ADAMTS17: variants seen among roughly 807,000 people sequenced by gnomAD.
The protein encoded by ADAMTS17 is A disintegrin and metalloproteinase with thrombospondin motifs 17.
In ADAMTS17, 113 loss-of-function variants were observed where a neutral mutation model predicts 141.5. The observed-to-expected ratio is 0.80, with a 90% CI of 0.69 to 0.93. The LOEUF (loss-of-function observed/expected upper bound fraction) is 0.93. Ranked by LOEUF, ADAMTS17 falls within the 40% of genes least tolerant of loss-of-function variation. ADAMTS17 has a pLI of 0.00. For synonymous variants in ADAMTS17, 768 were observed against 630.6 expected (o/e 1.22, Z -3.27); for missense variants, 1,659 against 1,517.9 (o/e 1.09, Z -1.54).
intron 8 of ADAMTS17, among the ~76,000 whole-genome samples, chr15:100,160,816 G>C (rs895423998): frequency 3.3e-5 from 5 of 152,142 alleles, no homozygotes; most frequent in Non-Finnish European, 5.9e-5. Flanking sequence ...CATGCCAAGC[G>C]GCTCATCACT....
At chr15:100,206,341 T>G (rs916369003) in intron 7 of ADAMTS17, among the ~76,000 whole-genome samples, 43 of 152,194 alleles carry the variant, frequency 2.8e-4, no homozygotes, top group Non-Finnish European at 5.4e-4. Context: ...AGTGTACGTC[T>G]GTAGACATGG....
At chr15:100,185,794 C>G (rs1014799019) in intron 8 of ADAMTS17, among the ~76,000 whole-genome samples, 2 of 152,204 alleles carry the variant, frequency 1.3e-5, no homozygotes, top group Non-Finnish European at 2.9e-5. Context: ...ATCCCCTTCC[C>G]TTGCCTATGA....
At chr15:100,064,874 G>T (rs2127847) in intron 15 of ADAMTS17, among the ~76,000 whole-genome samples, 27,151 of 152,050 alleles carry the variant, frequency 0.18, 2,851 homozygotes, top group East Asian at 0.51. Flanking sequence ...TTGGGATTTA[G>T]ACAAGCGTAT....
At chr15:99,998,117 T>C (rs1385676686) in intron 18 of ADAMTS17, among the ~76,000 whole-genome samples, 1 of 152,032 alleles carries the variant, frequency 6.6e-6, no homozygotes, top group Non-Finnish European at 1.5e-5. Flanking sequence ...GCTGCGGCAA[T>C]AGGGGATTGA....
At chr15:100,001,877 G>C (rs1057467321) in intron 18 of ADAMTS17, among the ~76,000 whole-genome samples, 3 of 149,454 alleles carry the variant, frequency 2.0e-5, no homozygotes, top group African/African-American at 5.0e-5. Flanking sequence ...GCTGAGGTGA[G>C]AGAACTGTCT....
intron 7 of ADAMTS17, among the ~76,000 whole-genome samples, chr15:100,201,852 G>C (rs1334947244): frequency 6.6e-6 from 1 of 152,052 alleles, no homozygotes; most frequent in African/African-American, 2.4e-5. Flanking sequence ...ATGTTTTGTG[G>C]GTTGCTTTTA....
chr15:99,982,117 G>T (rs2060492852), intron 20 of ADAMTS17, among the ~76,000 whole-genome samples: 1 of 152,258 alleles, frequency 6.6e-6, no homozygotes, highest in Non-Finnish European at 1.5e-5. Context: ...ATTGTTTCCT[G>T]CAGTAGAGGC....
chr15:100,037,572 G>A (rs1410041322), intron 18 of ADAMTS17, among the ~76,000 whole-genome samples: 1 of 151,894 alleles, frequency 6.6e-6, no homozygotes, highest in Non-Finnish European at 1.5e-5. Flanking sequence ...CCACACCCAA[G>A]TAATTTTTTG....
intron 12 of ADAMTS17, among the ~76,000 whole-genome samples, chr15:100,121,144 C>T (rs749529931): frequency 1.3e-5 from 2 of 152,058 alleles, no homozygotes; most frequent in African/African-American, 4.8e-5. Context: ...GAATATAGGA[C>T]AATTGAAATT....
At chr15:100,061,167 T>C (rs1167292353) in intron 15 of ADAMTS17, among the ~76,000 whole-genome samples, 2 of 152,192 alleles carry the variant, frequency 1.3e-5, no homozygotes, top group Non-Finnish European at 2.9e-5. Context: ...ACAGGCAGGT[T>C]TAACTTGTGT....
At chr15:99,987,903 C>T (rs1296117967) in intron 20 of ADAMTS17, among the ~76,000 whole-genome samples, 4 of 151,936 alleles carry the variant, frequency 2.6e-5, no homozygotes, top group Admixed American at 6.6e-5. Flanking sequence ...CAGTTGGGGT[C>T]GGGGTCTCTT....
At chr15:100,048,797 A>G in intron 18 of ADAMTS17, 60 bp downstream of exon 18, 1 of 1,612,756 alleles carries the variant, frequency 6.2e-7, no homozygotes, top group Non-Finnish European at 8.5e-7. Flanking sequence ...ACTCCCCACC[A>G]CTGATGGTGC....
chr15:100,233,588 A>G (rs1735284456), intron 7 of ADAMTS17, among the ~76,000 whole-genome samples: 1 of 152,178 alleles, frequency 6.6e-6, no homozygotes. Context: ...CGATGGGAAC[A>G]CAGTGGGGGC....
chr15:100,283,657 T>C (rs1018499398), intron 3 of ADAMTS17, among the ~76,000 whole-genome samples: 1 of 152,182 alleles, frequency 6.6e-6, no homozygotes, highest in African/African-American at 2.4e-5. Context: ...ATTTTTAAGT[T>C]CTAGTACAGA....
intron 15 of ADAMTS17, among the ~76,000 whole-genome samples, chr15:100,078,836 T>C (rs1298458573): frequency 1.3e-5 from 2 of 152,106 alleles, no homozygotes; most frequent in African/African-American, 2.4e-5. Context: ...AGGAACTGCA[T>C]CCAGAATATA....
At chr15:100,159,851 G>A (rs1351407664) in intron 8 of ADAMTS17, among the ~76,000 whole-genome samples, 2 of 152,188 alleles carry the variant, frequency 1.3e-5, no homozygotes, top group African/African-American at 2.4e-5. Flanking sequence ...TTGTATCAAC[G>A]ATGTGAAACA....
At chr15:100,171,451 G>T (rs552823633) in intron 8 of ADAMTS17, among the ~76,000 whole-genome samples, 2 of 152,272 alleles carry the variant, frequency 1.3e-5, no homozygotes, top group African/African-American at 4.8e-5. Context: ...GGTTAGGGGG[G>T]CCTGAGGGAG....
chr15:100,156,799 A>T (rs993953349), intron 8 of ADAMTS17, among the ~76,000 whole-genome samples: 3 of 152,232 alleles, frequency 2.0e-5, no homozygotes, highest in Admixed American at 1.3e-4. Flanking sequence ...AGTCTTTTAC[A>T]ATCCTTTTTA....
intron 3 of ADAMTS17, among the ~76,000 whole-genome samples, chr15:100,291,333 A>C (rs2044618035): frequency 6.6e-6 from 1 of 152,278 alleles, no homozygotes; most frequent in Admixed American, 6.5e-5. Flanking sequence ...CTATTGTTAA[A>C]AAGTAAAAAA....
Sources: allele counts gnomAD v4.1 joint callset (sites outside exome capture counted in the v4.1 genomes callset), GRCh38; gene constraint gnomAD v4.1.1; transcripts MANE v1.5; gene names NCBI Gene and HGNC (gene_info 2026-07-23, HGNC 2026-07-21).